ANKS1B: variants seen among roughly 807,000 people sequenced by gnomAD.
ANKS1B encodes ankyrin repeat and sterile alpha motif domain containing 1B, also known as ankyrin repeat and sterile alpha motif domain-containing protein 1B.
A neutral mutation model predicts 148.3 loss-of-function variants in ANKS1B; 36 were observed. The observed-to-expected ratio is 0.24, with a 90% CI of 0.19 to 0.32. The LOEUF is 0.32. Among genes scored for constraint, ANKS1B ranks in the 10% least tolerant of loss-of-function variants. The probability of loss-of-function intolerance (pLI) is 1.00; values close to 1 mark genes in which losing one functional copy is unlikely to be tolerated. For synonymous variants in ANKS1B, 542 were observed against 560.8 expected (o/e 0.97, Z 0.47); for missense variants, 1,157 against 1,542.6 (o/e 0.75, Z 4.19).
At chr12:98,807,803 G>T in intron 20 of ANKS1B, 41 bp downstream of exon 20, 1 of 1,567,592 alleles carries the variant, frequency 6.4e-7, no homozygotes, top group Admixed American at 1.7e-5. Flanking sequence ...ACAGTACATA[G>T]CGCAAGTTCA....
At chr12:99,483,915 GATCT>G (rs571367750) in intron 10 of ANKS1B, among the ~76,000 whole-genome samples, 21 of 151,912 alleles carry the variant, frequency 1.4e-4, no homozygotes, top group Non-Finnish European at 2.7e-4. Context: ...TCTAGCTAAT[GATCT>G]ATCTATTTTG....
chr12:99,607,080 T>C (rs1454027919), intron 9 of ANKS1B, among the ~76,000 whole-genome samples: 6 of 152,112 alleles, frequency 3.9e-5, no homozygotes, highest in Non-Finnish European at 8.8e-5. Context: ...GCTCCCAGGA[T>C]GGCCAAGAAG....
intron 1 of ANKS1B, among the ~76,000 whole-genome samples, chr12:99,888,654 T>C (rs1005603773): frequency 1.3e-5 from 2 of 152,174 alleles, no homozygotes; most frequent in African/African-American, 4.8e-5. Context: ...TATTAAAGAC[T>C]ACTTTCACTA....
intron 17 of ANKS1B, among the ~76,000 whole-genome samples, chr12:98,942,803 G>A (rs1446603480): frequency 6.6e-6 from 1 of 152,152 alleles, no homozygotes; most frequent in Non-Finnish European, 1.5e-5. Context: ...TTAAATATAA[G>A]TCGGTGTCAG....
At chr12:98,811,601 G>A (rs1566780653) in intron 19 of ANKS1B, among the ~76,000 whole-genome samples, 1 of 152,154 alleles carries the variant, frequency 6.6e-6, no homozygotes, top group Non-Finnish European at 1.5e-5. Context: ...GCACGGGAAT[G>A]CATTCTGTCT....
chr12:99,429,084 T>C (rs552800438), intron 11 of ANKS1B, among the ~76,000 whole-genome samples: 1 of 152,278 alleles, frequency 6.6e-6, no homozygotes, highest in South Asian at 2.1e-4. Flanking sequence ...TTGTGAGGAA[T>C]GGGATATTCA....
intron 11 of ANKS1B, among the ~76,000 whole-genome samples, chr12:99,410,586 G>A (rs952779130): frequency 4.6e-5 from 7 of 152,222 alleles, no homozygotes; most frequent in East Asian, 3.9e-4. Context: ...GGAGAATGGC[G>A]TGAACCTGGG....
At chr12:99,301,372 GA>G (rs1273173708) in intron 12 of ANKS1B, among the ~76,000 whole-genome samples, 47 of 151,950 alleles carry the variant, frequency 3.1e-4, no homozygotes, top group Non-Finnish European at 4.6e-4. Flanking sequence ...GAGGAAAAAA[GA>G]AAAAAACTTT....
chr12:99,789,723 C>T lies in ANKS1B; in HGVS notation c.670-7626G>A, dbSNP rs116369687. On this transcript the variant is annotated intron_variant, in intron 4 of 26. Coordinates refer to ENST00000683438, the MANE Select transcript of ANKS1B (RefSeq NM_001352186.2). ...GAATTAGTCAAGAAGAAAAAATTAA[C>T]GAGCTTGAAGACAGGTATTCGAAGA... 7.3e-3 allele frequency among the ~76,000 whole-genome samples: 1,111 copies of T among 152,150 alleles called. 14 individuals are homozygous for T. Among genetic ancestry groups the T allele is most frequent in the African/African-American group, 0.025 (1,021 of 41,532 alleles).
At chr12:99,022,277 G>A (rs539018969) in intron 17 of ANKS1B, among the ~76,000 whole-genome samples, 1 of 152,264 alleles carries the variant, frequency 6.6e-6, no homozygotes, top group East Asian at 1.9e-4. Context: ...CCAGCTGGTT[G>A]GAGAGGATCA....
At chr12:99,775,500 A>G (rs1019981420) in intron 7 of ANKS1B, 48 bp downstream of exon 7, 9 of 1,295,720 alleles carry the variant, frequency 6.9e-6, no homozygotes, top group Non-Finnish European at 1.0e-5. Flanking sequence ...TCACAACTGT[A>G]CATACAAGTC....
intron 17 of ANKS1B, among the ~76,000 whole-genome samples, chr12:98,853,586 CCACT>C (rs2153781883): frequency 6.6e-6 from 1 of 152,300 alleles, no homozygotes; most frequent in East Asian, 1.9e-4. Flanking sequence ...CTTCTTCTTC[CCACT>C]CAGTTTTCAG....
At chr12:99,760,502 A>G (rs2061985243) in intron 8 of ANKS1B, among the ~76,000 whole-genome samples, 1 of 151,896 alleles carries the variant, frequency 6.6e-6, no homozygotes, top group African/African-American at 2.4e-5. Context: ...TTTGAAATAA[A>G]CTAAAACAGA....
At chr12:99,127,412 C>T (rs985176959) in intron 15 of ANKS1B, among the ~76,000 whole-genome samples, 11 of 152,000 alleles carry the variant, frequency 7.2e-5, no homozygotes, top group African/African-American at 2.4e-4. Context: ...AATAGACTGT[C>T]ATCATTTATC....
chr12:99,630,729 G>A (rs1423118810), intron 9 of ANKS1B, among the ~76,000 whole-genome samples: 1 of 152,148 alleles, frequency 6.6e-6, no homozygotes, highest in African/African-American at 2.4e-5. Flanking sequence ...TTTCCTAGTG[G>A]GGAGTAACAG....
intron 8 of ANKS1B, among the ~76,000 whole-genome samples, chr12:99,698,735 T>C (rs1057200825): frequency 1.3e-5 from 2 of 152,194 alleles, no homozygotes; most frequent in African/African-American, 2.4e-5. Flanking sequence ...GGAAAATTTC[T>C]TTTTCCTCTT....
chr12:98,994,927 T>C (rs12305908), intron 17 of ANKS1B, among the ~76,000 whole-genome samples: 7,715 of 152,170 alleles, frequency 0.051, 414 homozygotes, highest in African/African-American at 0.12. Context: ...TTATGTATTG[T>C]TGGAGGATAA....
At chr12:99,058,405 G>A (rs1042201411) in intron 16 of ANKS1B, among the ~76,000 whole-genome samples, 1 of 151,596 alleles carries the variant, frequency 6.6e-6, no homozygotes, top group South Asian at 2.1e-4. Context: ...CACTACACCC[G>A]GCTAATTTTC....
chr12:99,654,436 C>T lies in ANKS1B; in HGVS notation c.1272+631G>A, dbSNP rs113471995. 4.8e-3 allele frequency among the ~76,000 whole-genome samples: 726 copies of T among 152,248 alleles called. 3 individuals carry two copies. The highest frequency in any genetic ancestry group is 8.5e-3 in the Non-Finnish European group (581 of 68,004). On this transcript the variant is annotated intron_variant, in intron 9 of 26. Coordinates refer to ENST00000683438, the MANE Select transcript of ANKS1B (RefSeq NM_001352186.2). The stretch of plus-strand genomic sequence containing the variant: ...TTGTGCAGAGATATTTTCACCATGG[C>T]TTCAAATTTCCTATCTCTGGAATAT...
Sources: allele counts gnomAD v4.1 joint callset (sites outside exome capture counted in the v4.1 genomes callset), GRCh38; gene constraint gnomAD v4.1.1; transcripts MANE v1.5; gene names NCBI Gene and HGNC (gene_info 2026-07-23, HGNC 2026-07-21).